The following OTULINL variants were observed in gnomAD, a reference collection of about 807,000 sequenced individuals.
OTULINL encodes the protein inactive ubiquitin thioesterase OTULINL.
In OTULINL, 42 loss-of-function variants were observed where a neutral mutation model predicts 43.9. That is an observed-to-expected ratio of 0.96 (90% CI 0.75 to 1.24). The LOEUF is 1.24. Ranked by LOEUF, OTULINL falls within the 50% of genes most tolerant of loss-of-function variation. OTULINL has a pLI of 0.00. For missense variants in OTULINL, 411 were observed against 426.4 expected (o/e 0.96, Z 0.32); for synonymous variants, 172 against 153.6 (o/e 1.12, Z -0.88).
intron 3 of OTULINL, 23 bp from the exon 4 acceptor site, chr5:14,601,327 CT>C: frequency 6.2e-7 from 1 of 1,612,230 alleles, no homozygotes; most frequent in Non-Finnish European, 8.5e-7. Context: ...GAATTAACAG[CT>C]TTTTATTTTT....
At chr5:14,598,688 A>G (rs1759334151) in intron 1 of OTULINL, among the ~76,000 whole-genome samples, 1 of 152,226 alleles carries the variant, frequency 6.6e-6, no homozygotes, top group African/African-American at 2.4e-5. Context: ...TCCATGCTCC[A>G]GCCTGGGCAA....
chr5:14,601,389 T>A lies in OTULINL; in HGVS notation c.295T>A (p.Tyr99Asn), dbSNP rs1364225358. ...GGAGGCAGAGGTTGATTTACTCAGTTATTGTGCAAGAGAATGGAAAGGAGA... is the reference window on the plus strand; with the variant it reads ...GGAGGCAGAGGTTGATTTACTCAGTAATTGTGCAAGAGAATGGAAAGGAGA... The part of the protein sequence containing the change: ...SVEAEVDLLS[Y>N]CAREWKGETP... Residue 99 changes from tyrosine to asparagine, a missense_variant, in exon 4 of 8, where the codon TAT becomes AAT. Tyr to Asn is a moderately radical substitution (Grantham distance 143). Coordinates refer to ENST00000274217, the MANE Select transcript of OTULINL (RefSeq NM_019018.3). 1 of 1,614,188 alleles carries A rather than the reference T, an allele frequency of 6.2e-7. No homozygotes were observed. Among genetic ancestry groups the A allele is most frequent in the Admixed American group, 1.7e-5 (1 of 60,014 alleles).
rs1054104401 is a variant in OTULINL at position 14,614,136 on chromosome 5, T to G, written c.*3822T>G. On this transcript the variant is annotated 3_prime_UTR_variant, in exon 8 of 8. Transcript: ENST00000274217. ...ATAGCAAATTTCTAAAGCTGTATGATTCTCTTTGCAAGAATGTTTTTCACA... is the reference window on the plus strand; with the variant it reads ...ATAGCAAATTTCTAAAGCTGTATGAGTCTCTTTGCAAGAATGTTTTTCACA... 7.2e-5 allele frequency among the ~76,000 whole-genome samples: 11 copies of G among 152,228 alleles called. No homozygotes were observed. The highest frequency in any genetic ancestry group is 2.7e-4 in the African/African-American group (11 of 41,442).
At chr5:14,598,238 C>T (rs1301075852) in intron 1 of OTULINL, among the ~76,000 whole-genome samples, 1 of 152,250 alleles carries the variant, frequency 6.6e-6, no homozygotes, top group Non-Finnish European at 1.5e-5. Context: ...AAGCCCTTCA[C>T]ATCCACCCAC....
chr5:14,609,425 C>T (rs1202288902), intron 7 of OTULINL, among the ~76,000 whole-genome samples: 5 of 152,204 alleles, frequency 3.3e-5, no homozygotes, highest in Admixed American at 6.5e-5. Context: ...ATGCTTTTAT[C>T]CCTCTAGAAA....
chr5:14,599,274 C>T (rs1012003104), intron 1 of OTULINL, among the ~76,000 whole-genome samples: 9 of 152,002 alleles, frequency 5.9e-5, no homozygotes, highest in African/African-American at 1.7e-4. Flanking sequence ...GGGTTGCCTG[C>T]GGTTGGGAGC....
At chr5:14,606,373 G>A (rs940162281) in intron 5 of OTULINL, among the ~76,000 whole-genome samples, 23 of 152,204 alleles carry the variant, frequency 1.5e-4, no homozygotes, top group African/African-American at 4.3e-4. Context: ...GATTTGGGTG[G>A]GGACACAGTC....
rs372993467 is a variant in OTULINL, at chr5:14,610,123, C to G, written c.898-18C>G. 2 of 1,606,400 alleles carry G rather than the reference C, an allele frequency of 1.2e-6. No individual in the cohort carries two copies. The highest frequency in any genetic ancestry group is 1.7e-6 in the Non-Finnish European group (2 of 1,173,574). On this transcript the variant is annotated intron_variant, in intron 7 of 7. Transcript: ENST00000274217. ...TTGCAAGTGTGTATCTGTGACCTGT[C>G]TTTCATCTCATCCACAGATTGATAT...
intron 1 of OTULINL, among the ~76,000 whole-genome samples, chr5:14,582,399 G>A (rs1010725972): frequency 6.6e-6 from 1 of 152,050 alleles, no homozygotes; most frequent in Non-Finnish European, 1.5e-5. Flanking sequence ...ACTCGCTGAC[G>A]GAGGGAGTTG....
chr5:14,596,816 T>C (rs1218491876), intron 1 of OTULINL, among the ~76,000 whole-genome samples: 1 of 152,188 alleles, frequency 6.6e-6, no homozygotes, highest in Non-Finnish European at 1.5e-5. Context: ...TCTTGCTGCA[T>C]TGTAATGTGG....
At position 14,600,985 on chromosome 5, in the gene OTULINL, T is replaced by C; in HGVS notation, c.85T>C (p.Trp29Arg). ...PAAGSDQVHS[W>R]MLATSQALDT... Reference sequence around the variant, plus strand: ...CATAGGAAGTGACCAAGTTCACTCCTGGATGCTAGCTACAAGCCAAGCCTT... The same window carrying C: ...CATAGGAAGTGACCAAGTTCACTCCCGGATGCTAGCTACAAGCCAAGCCTT... The change falls in exon 2 of 8, where the codon TGG becomes CGG. Residue 29 changes from tryptophan (W) to arginine (R), a missense_variant. Physicochemically the swap from Trp to Arg is moderately radical, Grantham distance 101. Coordinates refer to ENST00000274217, the MANE Select transcript of OTULINL (RefSeq NM_019018.3). 1 of 1,518,894 alleles carries C rather than the reference T, an allele frequency of 6.6e-7. No individual in the cohort carries two copies. Among genetic ancestry groups the C allele is most frequent in the Non-Finnish European group, 8.8e-7 (1 of 1,133,822 alleles). 94.1% of individuals were successfully genotyped at this position (1,518,894 alleles called of 1,614,324 possible). A position where few individuals can be genotyped will look rare whatever the true frequency, so the allele number is the denominator to read the frequency against.
chr5:14,607,404 A>G lies in OTULINL; in HGVS notation c.573A>G (p.Thr191=), dbSNP rs1759501395. The change falls in exon 6 of 8, where the codon ACA becomes ACG. Residue 191 remains threonine, a synonymous_variant. Transcript: ENST00000274217. ...QQYSFGPEKY[T]GSNVFGKLRK... ...ACAGTTTTGGTCCTGAGAAGTATAC[A>G]GGCTCGAATGTGTTTGGAAAACTAC... The G allele has an allele frequency of 6.2e-7, 1 of 1,614,060 alleles. No individual in the cohort carries two copies. Among genetic ancestry groups the G allele is most frequent in the African/African-American group, 1.3e-5 (1 of 74,936 alleles).
intron 1 of OTULINL, among the ~76,000 whole-genome samples, chr5:14,589,224 C>T (rs1236946311): frequency 6.6e-6 from 1 of 152,162 alleles, no homozygotes; most frequent in Admixed American, 6.5e-5. Flanking sequence ...GTGAAAAGGA[C>T]ACCGTGTGCT....
intron 5 of OTULINL, 101 bp from the exon 6 acceptor site, chr5:14,607,229 C>T (rs750774536): frequency 2.5e-5 from 31 of 1,249,266 alleles, no homozygotes; most frequent in Non-Finnish European, 3.3e-5. Context: ...GATTCCATCT[C>T]GAAAAAAAAA....
chr5:14,593,977 T>C (rs949249069), intron 1 of OTULINL, among the ~76,000 whole-genome samples: 9 of 152,260 alleles, frequency 5.9e-5, no homozygotes, highest in African/African-American at 1.7e-4. Flanking sequence ...CTCAGTGATA[T>C]TGATCTTGTA....
intron 1 of OTULINL, among the ~76,000 whole-genome samples, chr5:14,589,190 A>T (rs1045763315): frequency 1.3e-5 from 2 of 152,178 alleles, no homozygotes; most frequent in South Asian, 4.1e-4. Context: ...CACAAACACA[A>T]TTGTGTAAAC....
intron 1 of OTULINL, among the ~76,000 whole-genome samples, chr5:14,591,077 A>C (rs1029645740): frequency 5.3e-5 from 8 of 152,334 alleles, no homozygotes; most frequent in African/African-American, 1.9e-4. Flanking sequence ...AATGATTCTG[A>C]GTAATGGAAA....
intron 2 of OTULINL, 22 bp downstream of exon 2, chr5:14,601,146 A>C: frequency 6.2e-7 from 1 of 1,610,930 alleles, no homozygotes; most frequent in Non-Finnish European, 8.5e-7. Context: ...TATCATCCTT[A>C]AATTTCAAAT....
chr5:14,587,325 C>T (rs1560959047), intron 1 of OTULINL, among the ~76,000 whole-genome samples: 1 of 152,136 alleles, frequency 6.6e-6, no homozygotes, highest in Non-Finnish European at 1.5e-5. Context: ...TGCTGCGGAG[C>T]AAGCAGAATG....
Sources: gnomAD v4.1 joint callset for allele counts (sites outside exome capture counted in the v4.1 genomes callset) on GRCh38, gnomAD v4.1.1 for gene constraint, MANE v1.5 for transcripts, NCBI Gene and HGNC (gene_info 2026-07-23, HGNC 2026-07-21) for gene names.